DYNLT2B: variants seen among roughly 807,000 people sequenced by gnomAD.
DYNLT2B encodes dynein light chain Tctex-type protein 2B.
A neutral mutation model predicts 19.5 loss-of-function variants in DYNLT2B; 14 were observed. That is an observed-to-expected ratio of 0.72 (90% CI 0.47 to 1.12). DYNLT2B has a LOEUF of 1.12. DYNLT2B is among the 50% of genes most tolerant of loss of function. The pLI is 0.00. For missense variants in DYNLT2B, 133 were observed against 174.7 expected, an observed-to-expected ratio of 0.76 and a Z score of 1.35; for synonymous variants, 70 against 59.7, an observed-to-expected ratio of 1.17 and a Z score of -0.79.
intron 3 of DYNLT2B, chr3:196,305,585 G>A (rs756796187): frequency 6.6e-6 from 1 of 152,240 alleles, no homozygotes; most frequent in African/African-American, 2.4e-5. Flanking sequence ...TGGATCACCT[G>A]AGGTCAGGAG....
chr3:196,297,542 A>G (rs976443776), intron 3 of DYNLT2B, among the ~76,000 whole-genome samples: 7 of 151,320 alleles, frequency 4.6e-5, no homozygotes, highest in Non-Finnish European at 8.8e-5. Flanking sequence ...AATAATAAAT[A>G]ATAATAATAA....
chr3:196,309,062 A>T (rs1257878229), intron 2 of DYNLT2B, among the ~76,000 whole-genome samples: 1 of 152,192 alleles, frequency 6.6e-6, no homozygotes, highest in African/African-American at 2.4e-5. Context: ...AACAAAATGA[A>T]ATGCAGCCAA....
At chr3:196,310,264 G>A (rs1726601889) in intron 2 of DYNLT2B, among the ~76,000 whole-genome samples, 1 of 137,474 alleles carries the variant, frequency 7.3e-6, no homozygotes, top group Non-Finnish European at 1.6e-5. Flanking sequence ...ATCACGCTCG[G>A]CTAATTTTTT....
intron 3 of DYNLT2B, 30 bp downstream of exon 3, chr3:196,306,913 T>G (rs983801273): frequency 4.4e-6 from 7 of 1,597,988 alleles, no homozygotes; most frequent in Non-Finnish European, 6.0e-6. Flanking sequence ...TATAGATGAC[T>G]AAAACAAGAA....
At position 196,312,287 on chromosome 3, in the gene DYNLT2B, G is replaced by A. The variant is rs551159144; in HGVS notation, c.247+3811C>T. 2.7e-4 allele frequency among the ~76,000 whole-genome samples: 41 copies of A among 152,166 alleles called. 1 individual carries two copies. Among genetic ancestry groups the A allele is most frequent in the Non-Finnish European group, 5.4e-4 (37 of 68,020 alleles). ...CCTGTCTTGGCCTCCCAAAGTGCTG[G>A]GAATACAGGCGTGAGCCACCACGTC... On this transcript the variant is annotated intron_variant, in intron 2 of 4. Transcript: ENST00000325318.
intron 3 of DYNLT2B, among the ~76,000 whole-genome samples, chr3:196,301,389 G>A (rs1008137988): frequency 6.6e-6 from 1 of 152,078 alleles, no homozygotes; most frequent in African/African-American, 2.4e-5. Flanking sequence ...ACATGACCCA[G>A]ATACCAGAGT....
rs373631553 is a variant in DYNLT2B at position 196,299,465 on chromosome 3, T to C, written c.318-3396A>G. Among the ~76,000 whole-genome samples the C allele has an allele frequency of 3.9e-5, 6 of 152,174 alleles. No homozygotes were observed. The South Asian group carries it at 6.2e-4, about 16-fold the overall frequency. ...CTCCAACTCCTGAGCTCAGGCAATC[T>C]GCCCGCCTTGGCCTTCGAAAGTGGT... On this transcript the variant is annotated intron_variant, in intron 3 of 4. Coordinates refer to ENST00000325318, the MANE Select transcript of DYNLT2B (RefSeq NM_152773.5).
intron 4 of DYNLT2B, 25 bp downstream of exon 4, chr3:196,295,980 GA>G: frequency 6.2e-7 from 1 of 1,603,624 alleles, no homozygotes; most frequent in African/African-American, 1.3e-5. Flanking sequence ...CTTAGAAAGG[GA>G]AAAGAGGTTT....
chr3:196,307,156 T>A, intron 2 of DYNLT2B, 144 bp from the exon 3 acceptor site: 1 of 658,898 alleles, frequency 1.5e-6, no homozygotes. Context: ...CAGGAGGACG[T>A]GAAGGCAGAT....
At chr3:196,297,181 TA>T (rs555539393) in intron 3 of DYNLT2B, among the ~76,000 whole-genome samples, 6 of 148,192 alleles carry the variant, frequency 4.0e-5, no homozygotes, top group Admixed American at 1.3e-4. Flanking sequence ...CCCTGGCTCT[TA>T]AAAAAAAAAT....
At chr3:196,312,295 G>A (rs1726663608) in intron 2 of DYNLT2B, among the ~76,000 whole-genome samples, 1 of 152,160 alleles carries the variant, frequency 6.6e-6, no homozygotes, top group African/African-American at 2.4e-5. Flanking sequence ...TGGGAATACA[G>A]GCGTGAGCCA....
At chr3:196,317,076 T>C (rs1406673285) in intron 1 of DYNLT2B, among the ~76,000 whole-genome samples, 4 of 127,938 alleles carry the variant, frequency 3.1e-5, no homozygotes, top group African/African-American at 1.2e-4. Flanking sequence ...TGTGTGTGTG[T>C]GTGTGTGTGT....
chr3:196,299,867 C>A (rs1577387874), intron 3 of DYNLT2B, among the ~76,000 whole-genome samples: 1 of 152,232 alleles, frequency 6.6e-6, no homozygotes, highest in East Asian at 1.9e-4. Flanking sequence ...GGAGGCGGAG[C>A]TTGCAGTGAG....
At chr3:196,301,144 AT>A (rs1726343566) in intron 3 of DYNLT2B, among the ~76,000 whole-genome samples, 1 of 152,124 alleles carries the variant, frequency 6.6e-6, no homozygotes, top group Admixed American at 6.6e-5. Flanking sequence ...AGAAAAGAAA[AT>A]TTTTTAAAAA....
At chr3:196,300,995 G>C (rs929999387) in intron 3 of DYNLT2B, among the ~76,000 whole-genome samples, 6 of 151,592 alleles carry the variant, frequency 4.0e-5, no homozygotes, top group African/African-American at 1.5e-4. Flanking sequence ...GGAGCCAGAG[G>C]TTGCAGTGAG....
In DYNLT2B at chr3:196,318,235, C is replaced by G; in HGVS notation, c.-83G>C. 1.5e-6 allele frequency: 1 copy of G among 674,282 alleles called. No homozygotes were observed. The highest frequency in any genetic ancestry group is 2.3e-6 in the Non-Finnish European group (1 of 442,874). The allele number at this position is 674,282 out of a possible 1,614,324, so 41.8% of individuals were successfully genotyped here. A position where few individuals can be genotyped will look rare whatever the true frequency, so the allele number is the denominator to read the frequency against. ...CGGCCGGCAGCAGGGAAAGCGTCTC[C>G]AGGGCAACAGGGCCGCCCTCCCGCC... On this transcript the variant is annotated 5_prime_UTR_variant, in exon 1 of 5. Coordinates refer to ENST00000325318, the MANE Select transcript of DYNLT2B (RefSeq NM_152773.5).
At chr3:196,312,904 CT>C (rs2108797182) in intron 2 of DYNLT2B, among the ~76,000 whole-genome samples, 1 of 152,238 alleles carries the variant, frequency 6.6e-6, no homozygotes, top group South Asian at 2.1e-4. Flanking sequence ...CTCTTCCCAG[CT>C]AATTGAGAGG....
intron 3 of DYNLT2B, among the ~76,000 whole-genome samples, chr3:196,297,832 C>T (rs1466800081): frequency 1.3e-5 from 2 of 152,136 alleles, no homozygotes; most frequent in African/African-American, 4.8e-5. Flanking sequence ...GAAACATACA[C>T]ATATACCTTA....
chr3:196,317,180 TGTTGTGTG>T (rs1418944411), intron 1 of DYNLT2B, among the ~76,000 whole-genome samples: 3 of 84,402 alleles, frequency 3.6e-5, no homozygotes, highest in African/African-American at 9.5e-5. Flanking sequence ...TGTGTGTGTG[TGTTGTGTG>T]TGTGTGTGTA....
Sources: allele counts gnomAD v4.1 joint callset (sites outside exome capture counted in the v4.1 genomes callset), GRCh38; gene constraint gnomAD v4.1.1; transcripts MANE v1.5; gene names NCBI Gene and HGNC (gene_info 2026-07-23, HGNC 2026-07-21).